RPS6KC1: variants seen among roughly 807,000 people sequenced by gnomAD.
The protein encoded by RPS6KC1 is ribosomal protein S6 kinase C1.
RPS6KC1 carries 54 observed loss-of-function variants against 103.8 expected under a neutral mutation model. The ratio of observed to expected loss-of-function variants is 0.52; its 90% CI spans 0.42 to 0.65. RPS6KC1 has a LOEUF of 0.65. Among genes scored for constraint, RPS6KC1 ranks in the 30% least tolerant of loss-of-function variants. The pLI is 0.00. For missense variants in RPS6KC1, 1,151 were observed against 1,253.8 expected, an observed-to-expected ratio of 0.92 and a Z score of 1.24; for synonymous variants, 439 against 438.7, an observed-to-expected ratio of 1.00 and a Z score of -0.01.
At chr1:213,100,075 A>G (rs1007903591) in intron 3 of RPS6KC1, among the ~76,000 whole-genome samples, 1 of 152,226 alleles carries the variant, frequency 6.6e-6, no homozygotes, top group Non-Finnish European at 1.5e-5. Context: ...TGATATTCCC[A>G]TCAACAATGT....
At chr1:213,694,440 C>A in the RPS6KC1 span, among the ~76,000 whole-genome samples, 2 of 152,308 alleles carry the variant, frequency 1.3e-5, no homozygotes, top group African/African-American at 2.4e-5. Context: ...TTTCCCCCAG[C>A]CTTTTCTCCT....
At chr1:213,164,202 A>C (rs1197073420) in intron 6 of RPS6KC1, among the ~76,000 whole-genome samples, 1 of 152,216 alleles carries the variant, frequency 6.6e-6, no homozygotes, top group African/African-American at 2.4e-5. Flanking sequence ...TGGTATAATG[A>C]AGGGTGCCAA....
chr1:213,679,135 A>G, the RPS6KC1 span, among the ~76,000 whole-genome samples: 1 of 152,232 alleles, frequency 6.6e-6, no homozygotes, highest in African/African-American at 2.4e-5. Context: ...CTTGCATTTT[A>G]TAAAGTGTCT....
At chr1:213,814,824 G>A in the RPS6KC1 span, among the ~76,000 whole-genome samples, 1 of 152,166 alleles carries the variant, frequency 6.6e-6, no homozygotes, top group African/African-American at 2.4e-5. Context: ...ACAGAGCAAG[G>A]ATTTGGATCC....
intron 3 of RPS6KC1, among the ~76,000 whole-genome samples, chr1:213,081,450 T>C (rs2079875438): frequency 6.6e-6 from 1 of 151,982 alleles, no homozygotes; most frequent in African/African-American, 2.4e-5. Context: ...ATTCCCGTGA[T>C]CCAAACACCT....
At chr1:213,817,432 G>T in the RPS6KC1 span, among the ~76,000 whole-genome samples, 2 of 152,182 alleles carry the variant, frequency 1.3e-5, no homozygotes, top group African/African-American at 4.8e-5. Context: ...AGGCACTGGA[G>T]GTAATTACCA....
At chr1:213,495,144 T>C in the RPS6KC1 span, among the ~76,000 whole-genome samples, 1 of 152,308 alleles carries the variant, frequency 6.6e-6, no homozygotes, top group East Asian at 1.9e-4. Flanking sequence ...TTTGAAAGAT[T>C]ATTTAAAGAT....
the RPS6KC1 span, among the ~76,000 whole-genome samples, chr1:213,489,689 A>G: frequency 2.0e-3 from 304 of 152,300 alleles, no homozygotes; most frequent in African/African-American, 6.7e-3. Context: ...GGACTCAGAA[A>G]CAACTTCACA....
chr1:213,242,049 C>T lies in RPS6KC1; in HGVS notation c.2573C>T (p.Pro858Leu). Residue 858 changes from proline (P) to leucine (L), a missense_variant, in exon 11 of 15, where the codon CCA becomes CTA. Transcript: ENST00000366960. ...ACTGATGATTTGGCTAAAGAGGAAC[C>T]AACTTCTTTATTCCAGAGAGACTCT... ...DQTDDLAKEE[P>L]TSLFQRDSET... The T allele has an allele frequency of 6.2e-7, 1 of 1,613,952 alleles. No individual in the cohort carries two copies. The highest frequency in any genetic ancestry group is 8.5e-7 in the Non-Finnish European group (1 of 1,179,916).
the RPS6KC1 span, among the ~76,000 whole-genome samples, chr1:213,548,587 G>A: frequency 2.0e-5 from 3 of 152,274 alleles, no homozygotes; most frequent in Non-Finnish European, 2.9e-5. Flanking sequence ...CTTGAACCTG[G>A]GAGGCAGAGG....
the RPS6KC1 span, among the ~76,000 whole-genome samples, chr1:213,597,883 G>T: frequency 6.6e-6 from 1 of 152,206 alleles, no homozygotes; most frequent in East Asian, 1.9e-4. Context: ...GGCAAATGTG[G>T]TACCCAGGGT....
chr1:213,632,811 A>G, the RPS6KC1 span, among the ~76,000 whole-genome samples: 1 of 152,238 alleles, frequency 6.6e-6, no homozygotes, highest in Non-Finnish European at 1.5e-5. Flanking sequence ...AAAAGACTAG[A>G]TGAATGGCTA....
the RPS6KC1 span, among the ~76,000 whole-genome samples, chr1:213,829,260 G>C: frequency 3.5e-5 from 2 of 57,374 alleles, no homozygotes; most frequent in African/African-American, 1.4e-4. Flanking sequence ...AAGAGACCTC[G>C]TTTGTTTCAA....
At chr1:213,586,647 C>T in the RPS6KC1 span, among the ~76,000 whole-genome samples, 1 of 152,162 alleles carries the variant, frequency 6.6e-6, no homozygotes, top group Non-Finnish European at 1.5e-5. Flanking sequence ...GGGCACCAAT[C>T]CTTCTAAAGC....
the RPS6KC1 span, among the ~76,000 whole-genome samples, chr1:213,539,040 A>G: frequency 5.9e-5 from 9 of 152,212 alleles, no homozygotes; most frequent in Admixed American, 1.3e-4. Context: ...CTCTTTTGCA[A>G]TGTTGGGTAA....
chr1:213,733,699 G>GA, the RPS6KC1 span, among the ~76,000 whole-genome samples: 2 of 152,016 alleles, frequency 1.3e-5, no homozygotes, highest in Non-Finnish European at 2.9e-5. Flanking sequence ...TGTAGCCTTT[G>GA]AAAACTAGCC....
At chr1:213,198,740 C>T (rs2093045006) in intron 8 of RPS6KC1, among the ~76,000 whole-genome samples, 1 of 152,194 alleles carries the variant, frequency 6.6e-6, no homozygotes, top group Non-Finnish European at 1.5e-5. Context: ...GATGGTTTTA[C>T]TGTTGAATTT....
chr1:213,610,458 G>C, the RPS6KC1 span, among the ~76,000 whole-genome samples: 2 of 152,206 alleles, frequency 1.3e-5, no homozygotes, highest in East Asian at 3.8e-4. Context: ...CTGTTTGCAA[G>C]AGCGAGGAGG....
At chr1:213,282,462 G>C in the RPS6KC1 span, among the ~76,000 whole-genome samples, 1 of 152,234 alleles carries the variant, frequency 6.6e-6, no homozygotes, top group African/African-American at 2.4e-5. Context: ...CCTCAGAGGC[G>C]CCTGCTTGGC....
Sources: gnomAD v4.1 joint callset for allele counts (sites outside exome capture counted in the v4.1 genomes callset) on GRCh38, gnomAD v4.1.1 for gene constraint, MANE v1.5 for transcripts, NCBI Gene and HGNC (gene_info 2026-07-23, HGNC 2026-07-21) for gene names.